Variants in MOB1B observed in about 807,000 individuals in gnomAD.
The protein encoded by MOB1B is MOB kinase activator 1B.
Under a neutral mutation model 24.4 loss-of-function variants are expected in MOB1B, and 19 were observed. The ratio of observed to expected loss-of-function variants is 0.78; its 90% confidence interval spans 0.54 to 1.14. The LOEUF (loss-of-function observed/expected upper bound fraction) is 1.14, where lower values mean the gene tolerates loss of function less well. Among genes scored for constraint, MOB1B ranks in the 50% most tolerant of loss-of-function variants. The probability of loss-of-function intolerance (pLI) is 0.00; values close to 1 mark genes in which losing one functional copy is unlikely to be tolerated. For missense variants in MOB1B, 243 were observed against 259.6 expected (o/e 0.94, Z 0.44); for synonymous variants, 76 against 82.1 (o/e 0.93, Z 0.40).
At chr4:70,928,384 C>A (rs980079485) in intron 1 of MOB1B, among the ~76,000 whole-genome samples, 2 of 148,850 alleles carry the variant, frequency 1.3e-5, no homozygotes, top group Admixed American at 1.3e-4. Context: ...CACCCTCTGC[C>A]TCCCGGGTTC....
rs1348250156 is a variant in MOB1B, at chr4:70,936,925, T to TA, written c.15-21947dup. On this transcript the variant is annotated intron_variant, in intron 1 of 5. Coordinates refer to ENST00000309395, the MANE Select transcript of MOB1B (RefSeq NM_173468.4). The stretch of plus-strand genomic sequence containing the variant: ...GTCTAAATGGGTTTCTTTTTTTTTT[T>TA]AATTTTTTTGAGACGGAGTCTTGCT... 3.3e-3 allele frequency among the ~76,000 whole-genome samples: 500 copies of TA among 151,624 alleles called. 6 individuals carry two copies. The highest frequency in any genetic ancestry group is 3.7e-3 in the Non-Finnish European group (251 of 67,858).
At chr4:70,902,618 C>G (rs908560804) in intron 1 of MOB1B, 68 bp downstream of exon 1, 280 of 1,444,314 alleles carry the variant, frequency 1.9e-4, no homozygotes, top group Non-Finnish European at 2.4e-4. Context: ...CGCCGCCCGC[C>G]GCCCGTCGCC....
chr4:70,923,191 A>C (rs1171210314), intron 1 of MOB1B, among the ~76,000 whole-genome samples: 1 of 152,162 alleles, frequency 6.6e-6, no homozygotes, highest in African/African-American at 2.4e-5. Flanking sequence ...TTTGGGGCCA[A>C]GCAGCGTTAC....
intron 3 of MOB1B, 85 bp from the exon 4 acceptor site, chr4:70,975,068 C>A: frequency 1.0e-6 from 1 of 994,756 alleles, no homozygotes; most frequent in Non-Finnish European, 1.4e-6. Context: ...TCTGTGTGTA[C>A]ATTAGTAATA....
At chr4:70,940,343 C>T (rs1370301161) in intron 1 of MOB1B, among the ~76,000 whole-genome samples, 1 of 152,176 alleles carries the variant, frequency 6.6e-6, no homozygotes, top group Non-Finnish European at 1.5e-5. Context: ...CCCTTCTATA[C>T]CACTAGGAGG....
At chr4:70,927,926 A>G (rs1272998358) in intron 1 of MOB1B, among the ~76,000 whole-genome samples, 1 of 151,924 alleles carries the variant, frequency 6.6e-6, no homozygotes, top group East Asian at 1.9e-4. Context: ...TCCCTCCCCC[A>G]CAGTGTTCAG....
At position 70,979,309 on chromosome 4, in the gene MOB1B, GC is replaced by G. The variant is rs1383992958; in HGVS notation, c.573+20del. On this transcript the variant is annotated intron_variant, in intron 5 of 5. Transcript: ENST00000309395. ...TTGTCCAGGTAAGTTGGATTAGGAG[GC>G]CTTTGGTGCTCAGGGTAAGCATTTA... The G allele has an allele frequency of 6.3e-7, 1 of 1,597,762 alleles. No homozygotes were observed. The highest frequency in any genetic ancestry group is 8.6e-7 in the Non-Finnish European group (1 of 1,168,274).
chr4:70,951,071 G>C (rs1737783397), intron 1 of MOB1B, among the ~76,000 whole-genome samples: 1 of 152,082 alleles, frequency 6.6e-6, no homozygotes, highest in Non-Finnish European at 1.5e-5. Flanking sequence ...AATCATTTGT[G>C]TGACAAATAA....
At chr4:70,949,278 CTAA>C (rs1737700275) in intron 1 of MOB1B, among the ~76,000 whole-genome samples, 1 of 152,156 alleles carries the variant, frequency 6.6e-6, no homozygotes, top group African/African-American at 2.4e-5. Flanking sequence ...CCACCTGCCA[CTAA>C]TAATAGTGAT....
intron 1 of MOB1B, among the ~76,000 whole-genome samples, chr4:70,946,277 A>G (rs1578377039): frequency 6.6e-6 from 1 of 152,160 alleles, no homozygotes; most frequent in East Asian, 1.9e-4. Context: ...TTTCTTTAAT[A>G]TTGGTAACAA....
chr4:70,969,456 C>T (rs1157548493), intron 2 of MOB1B, among the ~76,000 whole-genome samples: 1 of 152,154 alleles, frequency 6.6e-6, no homozygotes, highest in East Asian at 1.9e-4. Context: ...GTGTTGGATT[C>T]TTGCCTTGTT....
chr4:70,944,750 A>T (rs1737502826), intron 1 of MOB1B, among the ~76,000 whole-genome samples: 1 of 152,144 alleles, frequency 6.6e-6, no homozygotes, highest in Non-Finnish European at 1.5e-5. Flanking sequence ...ACAGTATGAG[A>T]CAGAGGAAGT....
chr4:70,919,994 C>T (rs142193066), intron 1 of MOB1B, among the ~76,000 whole-genome samples: 228 of 152,158 alleles, frequency 1.5e-3, no homozygotes, highest in African/African-American at 5.2e-3. Context: ...CAGCTTATGA[C>T]CCTAAAGCAA....
At chr4:70,946,895 C>G (rs2148887875) in intron 1 of MOB1B, among the ~76,000 whole-genome samples, 1 of 152,306 alleles carries the variant, frequency 6.6e-6, no homozygotes, top group Admixed American at 6.5e-5. Flanking sequence ...AGCCAGCCAA[C>G]TTTCTCTTAA....
rs765312931 is a variant in MOB1B at position 70,969,958 on chromosome 4, T to TGCTTTATGGAACTA, written c.210_223dup (p.Ile75SerfsTer17). On this transcript the variant is annotated frameshift_variant, in exon 3 of 6. Transcript: ENST00000309395. LOFTEE classifies it high-confidence loss of function. ...GTGGATTTCTTCAATCAGATCAACA[T>TGCTTTATGGAACTA]GCTTTATGGAACTATCACAGACTTC... is the stretch of plus-strand genomic sequence containing the variant. 6.2e-7 allele frequency: 1 copy of TGCTTTATGGAACTA among 1,606,792 alleles called. No homozygotes were observed. The highest frequency in any genetic ancestry group is 8.5e-7 in the Non-Finnish European group (1 of 1,175,864).
At position 70,958,974 on chromosome 4, in the gene MOB1B, G is replaced by A; in HGVS notation, c.115G>A (p.Gly39Ser). The change falls in exon 2 of 6, where the codon GGC becomes AGC. Residue 39 changes from glycine to serine, a missense_variant. Physicochemically the swap from Gly to Ser is moderately conservative, Grantham distance 56. Transcript: ENST00000309395. ...ACACGCAGAAGCCACACTTGGCAGT[G>A]GCAACCTTCGGATGGCTGTCATGCT... is the stretch of plus-strand genomic sequence containing the variant. ...LKHAEATLGS[G>S]NLRMAVMLPE... The A allele has an allele frequency of 6.2e-7, 1 of 1,614,110 alleles. No homozygotes were observed. The highest frequency in any genetic ancestry group is 1.1e-5 in the South Asian group (1 of 91,070).
chr4:70,958,197 C>G (rs1204988099), intron 1 of MOB1B, among the ~76,000 whole-genome samples: 1 of 150,040 alleles, frequency 6.7e-6, no homozygotes, highest in East Asian at 2.0e-4. Context: ...CGGAATCTCA[C>G]TCTGCCGCCC....
At chr4:70,916,491 A>C (rs997707033) in intron 1 of MOB1B, among the ~76,000 whole-genome samples, 21 of 152,206 alleles carry the variant, frequency 1.4e-4, no homozygotes, top group Middle Eastern at 3.2e-3. Flanking sequence ...AAACCTCCTA[A>C]ATTCAAATAG....
intron 5 of MOB1B, 60 bp downstream of exon 5, chr4:70,979,351 G>A: frequency 7.6e-7 from 1 of 1,311,450 alleles, no homozygotes; most frequent in Non-Finnish European, 1.1e-6. Flanking sequence ...ATAGTTCTAA[G>A]GTAAATACTG....
Sources: allele counts gnomAD v4.1 joint callset (sites outside exome capture counted in the v4.1 genomes callset), GRCh38; gene constraint gnomAD v4.1.1; transcripts MANE v1.5; gene names NCBI Gene and HGNC (gene_info 2026-07-23, HGNC 2026-07-21).